ZMYM4: variants seen among roughly 807,000 people sequenced by gnomAD.
The protein encoded by ZMYM4 is zinc finger MYM-type containing 4.
ZMYM4 carries 31 observed loss-of-function variants against 183.2 expected under a neutral mutation model. The ratio of observed to expected loss-of-function variants is 0.17; its 90% CI spans 0.13 to 0.23. ZMYM4 has a LOEUF of 0.23. Among genes scored for constraint, ZMYM4 ranks in the 10% least tolerant of loss-of-function variants. The pLI, the probability that ZMYM4 is intolerant of heterozygous loss-of-function variation, is 1.00. For synonymous variants in ZMYM4, 592 were observed against 631.2 expected (o/e 0.94, Z 0.93); for missense variants, 1,273 against 1,840.3 (o/e 0.69, Z 5.64).
At chr1:35,356,640 A>G (rs1031540377) in intron 2 of ZMYM4, among the ~76,000 whole-genome samples, 1 of 151,842 alleles carries the variant, frequency 6.6e-6, no homozygotes, top group African/African-American at 2.4e-5. Context: ...TTTTCTGTTT[A>G]TTTTTTCTAG....
At position 35,358,914 on chromosome 1, in the gene ZMYM4, T is replaced by C. The variant is rs775664629; in HGVS notation, c.86-11T>C. On this transcript the variant is annotated splice_polypyrimidine_tract_variant and intron_variant, in intron 2 of 29. Transcript: ENST00000314607. ...ACTATCATTTGTCTAAACAGTATTTTACTTTTTAAGGTGGTGGTATCATGG... is the reference window on the plus strand; with the variant it reads ...ACTATCATTTGTCTAAACAGTATTTCACTTTTTAAGGTGGTGGTATCATGG... 5 of 1,604,962 alleles carry C rather than the reference T, an allele frequency of 3.1e-6. No individual in the cohort carries two copies. Among genetic ancestry groups the C allele is most frequent in the Non-Finnish European group, 4.3e-6 (5 of 1,174,824 alleles).
chr1:35,285,352 A>G (rs547573963), intron 1 of ZMYM4, among the ~76,000 whole-genome samples: 11 of 152,096 alleles, frequency 7.2e-5, no homozygotes, highest in African/African-American at 2.4e-4. Flanking sequence ...TATTTCTTTC[A>G]GCAATGTTTT....
chr1:35,311,636 A>G (rs1231094171), intron 1 of ZMYM4, among the ~76,000 whole-genome samples: 1 of 151,972 alleles, frequency 6.6e-6, no homozygotes, highest in African/African-American at 2.4e-5. Context: ...TGAGATCTAG[A>G]CAATGAATTT....
chr1:35,379,018 A>G (rs1169416853), intron 7 of ZMYM4, among the ~76,000 whole-genome samples: 1 of 152,202 alleles, frequency 6.6e-6, no homozygotes, highest in Non-Finnish European at 1.5e-5. Context: ...GCTTTGGCTT[A>G]AGGGAATGCT....
intron 1 of ZMYM4, among the ~76,000 whole-genome samples, chr1:35,294,790 A>C (rs1375008695): frequency 6.6e-6 from 1 of 152,152 alleles, no homozygotes; most frequent in Admixed American, 6.5e-5. Context: ...AAGCGTAAAC[A>C]AAAAAAATTA....
At chr1:35,397,333 A>G in intron 19 of ZMYM4, 44 bp from the exon 20 acceptor site, 1 of 1,468,396 alleles carries the variant, frequency 6.8e-7, no homozygotes, top group Non-Finnish European at 9.0e-7. Flanking sequence ...TTGGCTACAA[A>G]CCTGTTGCCA....
chr1:35,289,082 T>C (rs1465704910), intron 1 of ZMYM4, among the ~76,000 whole-genome samples: 1 of 152,082 alleles, frequency 6.6e-6, no homozygotes, highest in East Asian at 1.9e-4. Context: ...AAAAAAGAAA[T>C]AGAGAAAATA....
chr1:35,366,948 T>C (rs1644095798), intron 5 of ZMYM4, among the ~76,000 whole-genome samples: 1 of 148,954 alleles, frequency 6.7e-6, no homozygotes, highest in East Asian at 2.0e-4. Flanking sequence ...CACTCGAGCC[T>C]GGGAGGTGGA....
At chr1:35,383,888 C>T (rs575587623) in intron 9 of ZMYM4, among the ~76,000 whole-genome samples, 1 of 152,210 alleles carries the variant, frequency 6.6e-6, no homozygotes, top group East Asian at 1.9e-4. Flanking sequence ...CTCCCTGAGT[C>T]CCAGTTTTTC....
chr1:35,379,937 T>G (rs1414508145), intron 7 of ZMYM4, among the ~76,000 whole-genome samples: 1 of 152,228 alleles, frequency 6.6e-6, no homozygotes, highest in Non-Finnish European at 1.5e-5. Flanking sequence ...AATAGTAACA[T>G]CAGTGTTCAC....
intron 2 of ZMYM4, among the ~76,000 whole-genome samples, chr1:35,333,457 A>G (rs1265607435): frequency 6.6e-6 from 1 of 152,032 alleles, no homozygotes; most frequent in East Asian, 1.9e-4. Flanking sequence ...GGGTTTCACC[A>G]TGTTGGCCAA....
intron 1 of ZMYM4, among the ~76,000 whole-genome samples, chr1:35,290,098 G>C (rs1640689107): frequency 6.6e-6 from 1 of 151,978 alleles, no homozygotes; most frequent in South Asian, 2.1e-4. Context: ...CTCTGAAGTA[G>C]CTGAGATTAC....
chr1:35,397,799 G>T (rs576496882), intron 20 of ZMYM4, among the ~76,000 whole-genome samples: 29 of 152,086 alleles, frequency 1.9e-4, no homozygotes, highest in Non-Finnish European at 4.1e-4. Flanking sequence ...AAGATTTCAT[G>T]ATCATTTTCC....
At chr1:35,281,874 C>T (rs1038054612) in intron 1 of ZMYM4, among the ~76,000 whole-genome samples, 2 of 152,132 alleles carry the variant, frequency 1.3e-5, no homozygotes, top group Admixed American at 1.3e-4. Flanking sequence ...TATGAAGTTG[C>T]CTATTCTAGA....
chr1:35,307,903 C>T (rs533220266), intron 1 of ZMYM4, among the ~76,000 whole-genome samples: 2 of 151,938 alleles, frequency 1.3e-5, no homozygotes, highest in Non-Finnish European at 2.9e-5. Flanking sequence ...AATCTCGGCT[C>T]ACTGCAACCT....
Position 35,419,866 on chromosome 1 carries a change from G to A in ZMYM4, c.*189G>A. 1 of 608,476 alleles carries A rather than the reference G, an allele frequency of 1.6e-6. No homozygotes were observed. The highest frequency in any genetic ancestry group is 2.0e-5 in the South Asian group (1 of 49,380). 37.7% of individuals were successfully genotyped at this position (608,476 alleles called of 1,614,324 possible). A position where few individuals can be genotyped will look rare whatever the true frequency, so the allele number is the denominator to read the frequency against. On this transcript the variant is annotated 3_prime_UTR_variant, in exon 30 of 30. Transcript: ENST00000314607. The stretch of plus-strand genomic sequence containing the variant: ...AATTGAAGGAAAGAATATGAACTGA[G>A]AAATGTTCTTTGGCAGTGATATAGT...
chr1:35,365,687 A>G (rs1444649684), intron 5 of ZMYM4, among the ~76,000 whole-genome samples: 1 of 152,214 alleles, frequency 6.6e-6, no homozygotes, highest in Non-Finnish European at 1.5e-5. Context: ...GTAGTAAACT[A>G]AGAAGGTAAA....
At chr1:35,346,671 GAAAAA>G (rs1229956274) in intron 2 of ZMYM4, among the ~76,000 whole-genome samples, 4 of 115,432 alleles carry the variant, frequency 3.5e-5, no homozygotes, top group South Asian at 2.8e-4. Context: ...AAAAAAAAAA[GAAAAA>G]AAAAAGAGAA....
intron 1 of ZMYM4, among the ~76,000 whole-genome samples, chr1:35,289,482 A>G (rs534404290): frequency 6.6e-6 from 1 of 152,244 alleles, no homozygotes; most frequent in South Asian, 2.1e-4. Flanking sequence ...AGATAGGAAA[A>G]CTGGGGAAAG....
Sources: gnomAD v4.1 joint callset for allele counts (sites outside exome capture counted in the v4.1 genomes callset) on GRCh38, gnomAD v4.1.1 for gene constraint, MANE v1.5 for transcripts, NCBI Gene and HGNC (gene_info 2026-07-23, HGNC 2026-07-21) for gene names.